RIPOR3: variants seen among roughly 807,000 people sequenced by gnomAD.
RIPOR3 encodes the protein family with sequence similarity 65 member C.
A neutral mutation model predicts 114.3 loss-of-function variants in RIPOR3; 95 were observed. That is an observed-to-expected ratio of 0.83 (90% confidence interval 0.70 to 0.99). The LOEUF is 0.99. Among genes scored for constraint, RIPOR3 ranks in the 50% least tolerant of loss-of-function variants. RIPOR3 has a pLI of 0.00. For synonymous variants in RIPOR3, 575 were observed against 543.8 expected, an observed-to-expected ratio of 1.06 and a Z score of -0.80; for missense variants, 1,252 against 1,266.9, an observed-to-expected ratio of 0.99 and a Z score of 0.18.
chr20:50,612,488 G>A (rs1239670852), intron 4 of RIPOR3, among the ~76,000 whole-genome samples: 4 of 152,182 alleles, frequency 2.6e-5, no homozygotes, highest in Non-Finnish European at 5.9e-5. Flanking sequence ...CTATGTCTGA[G>A]TCTGGAGGGG....
At chr20:50,687,228 TCGC>T (rs2087057858) in intron 1 of RIPOR3, among the ~76,000 whole-genome samples, 1 of 152,240 alleles carries the variant, frequency 6.6e-6, no homozygotes, top group Non-Finnish European at 1.5e-5. Flanking sequence ...AGGGCCTGTG[TCGC>T]TGGTGGAGCT....
intron 11 of RIPOR3, among the ~76,000 whole-genome samples, chr20:50,607,785 C>T (rs568457101): frequency 2.0e-5 from 3 of 152,252 alleles, no homozygotes; most frequent in African/African-American, 2.4e-5. Flanking sequence ...AGACCAGCCC[C>T]GACTGGCCAG....
chr20:50,671,254 T>A (rs6020676), intron 1 of RIPOR3, among the ~76,000 whole-genome samples: 1 of 152,050 alleles, frequency 6.6e-6, no homozygotes, highest in Non-Finnish European at 1.5e-5. Context: ...CTCCCACAGT[T>A]CTGGGATTAC....
chr20:50,612,728 AGAAG>A (rs200746545), intron 4 of RIPOR3, among the ~76,000 whole-genome samples: 3,640 of 152,290 alleles, frequency 0.024, 91 homozygotes, highest in African/African-American at 0.057. Flanking sequence ...CGAGAAAGAA[AGAAG>A]GATTCAACCC....
In RIPOR3 at chr20:50,587,203, T is replaced by G; in HGVS notation, c.*29A>C. 8.8e-4 allele frequency: 1,375 copies of G among 1,561,228 alleles called. No homozygotes were observed. The highest frequency in any genetic ancestry group is 1.1e-3 in the Non-Finnish European group (1,245 of 1,131,944). On this transcript the variant is annotated 3_prime_UTR_variant, in exon 22 of 22. Coordinates refer to ENST00000327979, the MANE Select transcript of RIPOR3 (RefSeq NM_001290268.2). ...CTGGGCAGCAGCAAAAAAAACGATG[T>G]GAGATTTGTGCTCATCAGCCAGGAT...
At chr20:50,665,421 C>CTTTTTTTT (rs11471486) in intron 1 of RIPOR3, among the ~76,000 whole-genome samples, 1,429 of 107,696 alleles carry the variant, frequency 0.013, 94 homozygotes, top group African/African-American at 0.034. Flanking sequence ...CCCCCTCTTC[C>CTTTTTTTT]TTTTTTTTTT....
chr20:50,639,386 C>G (rs961941523), intron 1 of RIPOR3, among the ~76,000 whole-genome samples: 3 of 152,124 alleles, frequency 2.0e-5, no homozygotes, highest in African/African-American at 4.8e-5. Flanking sequence ...GAGCTCTGCC[C>G]CCGCTGAGCA....
chr20:50,620,165 G>C, intron 2 of RIPOR3, 33 bp from the exon 3 acceptor site: 1 of 1,607,790 alleles, frequency 6.2e-7, no homozygotes, highest in Non-Finnish European at 8.5e-7. Flanking sequence ...AGAGAAGTCA[G>C]AGAAGGGCCC....
intron 1 of RIPOR3, among the ~76,000 whole-genome samples, chr20:50,669,390 G>T (rs1012468151): frequency 6.6e-6 from 1 of 152,188 alleles, no homozygotes; most frequent in Non-Finnish European, 1.5e-5. Context: ...TTAATAGCTC[G>T]AAAAATATTA....
chr20:50,632,174 C>T (rs1021481651), intron 1 of RIPOR3, among the ~76,000 whole-genome samples: 1 of 152,114 alleles, frequency 6.6e-6, no homozygotes, highest in Non-Finnish European at 1.5e-5. Context: ...TCCCATATAT[C>T]CCCCACCCCA....
At chr20:50,594,925 A>C in intron 16 of RIPOR3, 1 of 554,424 alleles carries the variant, frequency 1.8e-6, no homozygotes. Context: ...TCCCCACAAC[A>C]ACCTGGGAGG....
chr20:50,665,774 A>G (rs1284654513), intron 1 of RIPOR3, among the ~76,000 whole-genome samples: 3 of 152,064 alleles, frequency 2.0e-5, no homozygotes, highest in Admixed American at 6.6e-5. Context: ...ACGTAGTTAC[A>G]TGGAGTAGAA....
At chr20:50,599,158 G>A (rs904714131) in intron 13 of RIPOR3, among the ~76,000 whole-genome samples, 65 of 152,132 alleles carry the variant, frequency 4.3e-4, no homozygotes, top group Non-Finnish European at 3.8e-4. Context: ...CTGGGAGGCC[G>A]AGGCAGGTGG....
intron 1 of RIPOR3, among the ~76,000 whole-genome samples, chr20:50,673,097 G>A (rs2086575762): frequency 2.0e-5 from 3 of 152,006 alleles, no homozygotes; most frequent in African/African-American, 7.2e-5. Context: ...TACCTGCTGT[G>A]CAGAGGGCAA....
At chr20:50,689,466 G>A (rs986584682) in intron 1 of RIPOR3, among the ~76,000 whole-genome samples, 4 of 152,116 alleles carry the variant, frequency 2.6e-5, no homozygotes, top group African/African-American at 9.7e-5. Context: ...GTGAGCCACC[G>A]CGCCCAGCCT....
chr20:50,644,830 ATTTT>A (rs2085344275), intron 1 of RIPOR3, among the ~76,000 whole-genome samples: 2 of 112,908 alleles, frequency 1.8e-5, no homozygotes, highest in African/African-American at 9.9e-5. Context: ...CCTTTTATTT[ATTTT>A]TTATTTTTTA....
Position 50,596,197 on chromosome 20 carries a change from G to A in RIPOR3, c.1857C>T (p.Ala619=). 2.5e-6 allele frequency: 4 copies of A among 1,614,228 alleles called. No individual in the cohort carries two copies. Among genetic ancestry groups the A allele is most frequent in the Non-Finnish European group, 3.4e-6 (4 of 1,180,048 alleles). Residue 619 remains alanine (A), a synonymous_variant, in exon 15 of 22, where the codon GCC becomes GCT. Transcript: ENST00000327979. The part of the protein sequence containing the change: ...KASSRELTAG[A]PELDVLLMVH... ...CCATCAGCAGCACGTCCAGCTCTGG[G>A]GCACCGGCTGTGAGTTCCCTGGATG... is the stretch of plus-strand genomic sequence containing the variant.
intron 15 of RIPOR3, 114 bp downstream of exon 15, chr20:50,596,025 CA>C: frequency 6.9e-7 from 1 of 1,455,998 alleles, no homozygotes; most frequent in South Asian, 1.3e-5. Flanking sequence ...CACGGGCTTC[CA>C]GGATGCAGGT....
At chr20:50,625,634 G>A (rs1018188563) in intron 2 of RIPOR3, among the ~76,000 whole-genome samples, 2 of 152,138 alleles carry the variant, frequency 1.3e-5, no homozygotes, top group South Asian at 2.1e-4. Context: ...CCAAGCTGAG[G>A]AGGATGTCCC....
Sources: gnomAD v4.1 joint callset for allele counts (sites outside exome capture counted in the v4.1 genomes callset) on GRCh38, gnomAD v4.1.1 for gene constraint, MANE v1.5 for transcripts, NCBI Gene and HGNC (gene_info 2026-07-23, HGNC 2026-07-21) for gene names.